Variants in AGBL4 observed in about 807,000 individuals in gnomAD.
The protein encoded by AGBL4 is cytosolic carboxypeptidase 6.
Under a neutral mutation model 66.4 loss-of-function variants are expected in AGBL4, and 58 were observed. The ratio of observed to expected loss-of-function variants is 0.87; its 90% CI spans 0.71 to 1.09. AGBL4 has a LOEUF of 1.09. Ranked by LOEUF, AGBL4 falls within the 50% of genes least tolerant of loss-of-function variation. The pLI, the probability that AGBL4 is intolerant of heterozygous loss-of-function variation, is 0.00. For synonymous variants in AGBL4, 234 were observed against 222.9 expected (o/e 1.05, Z -0.44); for missense variants, 579 against 631.0 (o/e 0.92, Z 0.88).
chr1:49,115,358 C>A (rs142041659), intron 4 of AGBL4, among the ~76,000 whole-genome samples: 1,570 of 152,172 alleles, frequency 0.01, 50 homozygotes, highest in Admixed American at 0.071. Flanking sequence ...TTATAAAATT[C>A]TATGGTGTAG....
chr1:49,687,097 T>G (rs1443159201), intron 3 of AGBL4, among the ~76,000 whole-genome samples: 1 of 152,154 alleles, frequency 6.6e-6, no homozygotes, highest in Non-Finnish European at 1.5e-5. Flanking sequence ...AGTTTGGACT[T>G]TACCCTAAAG....
At chr1:49,404,767 TAAC>T (rs1645160917) in intron 3 of AGBL4, among the ~76,000 whole-genome samples, 1 of 152,224 alleles carries the variant, frequency 6.6e-6, no homozygotes, top group Non-Finnish European at 1.5e-5. Flanking sequence ...AATTTTCTCA[TAAC>T]AAATAAAACA....
Position 48,634,592 on chromosome 1 carries a change from C to T in AGBL4, c.852G>A (p.Met284Ile), listed in dbSNP as rs1645639889. ...GCCAGTGACGATTCAGATCAAATCC[C>T]ATCAGAGAACACCTAGGCAGTACCC... Reference protein sequence around the residue: ...VYLGNYRCSLMGFDLNRHWLD... With the variant: ...VYLGNYRCSLIGFDLNRHWLD... The change falls in exon 9 of 14, where the codon ATG (methionine) becomes ATA (isoleucine). Residue 284 changes from methionine (M) to isoleucine (I), a missense_variant. Met to Ile is a conservative substitution (Grantham distance 10). Transcript: ENST00000371839. The T allele has an allele frequency of 3.8e-6, 6 of 1,599,154 alleles. No homozygotes were observed. The highest frequency in any genetic ancestry group is 5.1e-6 in the Non-Finnish European group (6 of 1,172,434).
intron 1 of AGBL4, among the ~76,000 whole-genome samples, chr1:50,006,200 G>C (rs947608201): frequency 6.6e-6 from 1 of 152,014 alleles, no homozygotes; most frequent in African/African-American, 2.4e-5. Flanking sequence ...TTAGCCAGGC[G>C]TGGTGGCGGG....
At chr1:49,614,403 A>G (rs185758818) in intron 3 of AGBL4, among the ~76,000 whole-genome samples, 1 of 152,210 alleles carries the variant, frequency 6.6e-6, no homozygotes, top group Non-Finnish European at 1.5e-5. Context: ...CTCATTCTCA[A>G]TGCTGTATGG....
At chr1:49,011,558 G>C (rs998643349) in intron 5 of AGBL4, among the ~76,000 whole-genome samples, 1 of 152,100 alleles carries the variant, frequency 6.6e-6, no homozygotes, top group African/African-American at 2.4e-5. Flanking sequence ...TATAAATCAT[G>C]CTGCTATAAA....
chr1:49,664,690 G>T (rs1476902856), intron 3 of AGBL4, among the ~76,000 whole-genome samples: 1 of 151,948 alleles, frequency 6.6e-6, no homozygotes, highest in Admixed American at 6.6e-5. Flanking sequence ...GGTATCTTTG[G>T]CTCATATTCA....
chr1:49,899,511 A>G (rs1156450941), intron 1 of AGBL4, among the ~76,000 whole-genome samples: 2 of 151,784 alleles, frequency 1.3e-5, no homozygotes, highest in Non-Finnish European at 2.9e-5. Flanking sequence ...AAAAAAAAAA[A>G]GAAAACAAAA....
chr1:49,684,502 T>A (rs1457832808), intron 3 of AGBL4, among the ~76,000 whole-genome samples: 1 of 152,130 alleles, frequency 6.6e-6, no homozygotes, highest in East Asian at 1.9e-4. Context: ...AAATCCAGCA[T>A]GAAATTCCTC....
chr1:49,137,216 A>G (rs1646028551), intron 4 of AGBL4, among the ~76,000 whole-genome samples: 1 of 152,182 alleles, frequency 6.6e-6, no homozygotes, highest in African/African-American at 2.4e-5. Flanking sequence ...TAGCCAAGAA[A>G]CAGCAGCAAA....
At chr1:48,627,354 CTGTT>C (rs539074337) in intron 9 of AGBL4, among the ~76,000 whole-genome samples, 240 of 151,908 alleles carry the variant, frequency 1.6e-3, no homozygotes, top group African/African-American at 5.6e-3. Context: ...TACGTATTTT[CTGTT>C]TGATATTTGT....
chr1:49,821,646 T>G (rs1186337849), intron 2 of AGBL4, among the ~76,000 whole-genome samples: 2 of 152,244 alleles, frequency 1.3e-5, no homozygotes, highest in Non-Finnish European at 2.9e-5. Context: ...ATCAAGGAAG[T>G]AAAGACATTT....
intron 3 of AGBL4, among the ~76,000 whole-genome samples, chr1:49,458,677 C>T (rs1383076797): frequency 6.6e-6 from 1 of 151,650 alleles, no homozygotes; most frequent in East Asian, 1.9e-4. Flanking sequence ...CAGTACAATG[C>T]TAGCTGTGTG....
chr1:48,807,528 G>T (rs1645952697), intron 6 of AGBL4, among the ~76,000 whole-genome samples: 2 of 152,170 alleles, frequency 1.3e-5, no homozygotes, highest in Non-Finnish European at 2.9e-5. Flanking sequence ...CTCCCTGTGA[G>T]AGGTGAAAGT....
intron 3 of AGBL4, among the ~76,000 whole-genome samples, chr1:49,621,612 G>T (rs1311858868): frequency 6.6e-6 from 1 of 152,126 alleles, no homozygotes; most frequent in Non-Finnish European, 1.5e-5. Context: ...TATTAGCACA[G>T]GTCTTTGAAT....
At chr1:49,260,258 A>G (rs1652995131) in intron 3 of AGBL4, among the ~76,000 whole-genome samples, 1 of 151,816 alleles carries the variant, frequency 6.6e-6, no homozygotes. Flanking sequence ...CTAGAAAAGC[A>G]AGAGCAAACA....
At chr1:49,959,402 A>T (rs900993552) in intron 1 of AGBL4, among the ~76,000 whole-genome samples, 19 of 152,096 alleles carry the variant, frequency 1.2e-4, no homozygotes, top group Non-Finnish European at 2.5e-4. Flanking sequence ...TTTTGAAAAT[A>T]GCAGGATTCA....
At chr1:48,939,870 A>C (rs1229725024) in intron 5 of AGBL4, among the ~76,000 whole-genome samples, 1 of 152,224 alleles carries the variant, frequency 6.6e-6, no homozygotes, top group Non-Finnish European at 1.5e-5. Flanking sequence ...CACAGCGGAC[A>C]TCTGATAATA....
intron 11 of AGBL4, among the ~76,000 whole-genome samples, chr1:48,550,324 C>T (rs61143005): frequency 0.057 from 8,671 of 151,732 alleles, 260 homozygotes; most frequent in South Asian, 0.096. Flanking sequence ...CCACAGGCCC[C>T]GGGGAGAAAA....
Sources: allele counts gnomAD v4.1 joint callset (sites outside exome capture counted in the v4.1 genomes callset), GRCh38; gene constraint gnomAD v4.1.1; transcripts MANE v1.5; gene names NCBI Gene and HGNC (gene_info 2026-07-23, HGNC 2026-07-21).